ZNF506: variants seen among roughly 807,000 people sequenced by gnomAD.
ZNF506 encodes zinc finger protein 506.
In ZNF506, 10 loss-of-function variants were observed where a neutral mutation model predicts 11.6. The observed-to-expected ratio is 0.86, with a 90% CI of 0.53 to 1.46. The LOEUF (loss-of-function observed/expected upper bound fraction) is 1.46. Among genes scored for constraint, ZNF506 ranks in the 40% most tolerant of loss-of-function variants. ZNF506 has a pLI of 0.00. For missense variants in ZNF506, 425 were observed against 521.2 expected, an observed-to-expected ratio of 0.82 and a Z score of 1.80; for synonymous variants, 156 against 173.3, an observed-to-expected ratio of 0.90 and a Z score of 0.78.
intron 1 of ZNF506, among the ~76,000 whole-genome samples, chr19:19,818,694 T>G (rs971454178): frequency 6.6e-6 from 1 of 152,220 alleles, no homozygotes; most frequent in African/African-American, 2.4e-5. Flanking sequence ...ACTAATAAAA[T>G]GCAAATTACA....
At position 19,804,827 on chromosome 19, in the gene ZNF506, A is replaced by C. The variant is rs2062823187; in HGVS notation, c.226+1204T>G. Among the ~76,000 whole-genome samples the C allele has an allele frequency of 2.0e-5, 3 of 152,222 alleles. No individual in the cohort carries two copies. In the South Asian group the frequency reaches 6.2e-4, roughly 32 times the overall value. ...AAACCATCATTCTGAGCAAACTATC[A>C]CAAGGACAGAAAACCAAACACCCCA... is the stretch of plus-strand genomic sequence containing the variant. On this transcript the variant is annotated intron_variant, in intron 3 of 3. Transcript: ENST00000540806.
intron 1 of ZNF506, among the ~76,000 whole-genome samples, chr19:19,816,543 A>G (rs1273314954): frequency 1.3e-5 from 2 of 152,118 alleles, no homozygotes; most frequent in Admixed American, 6.5e-5. Context: ...TATTTGTAGT[A>G]GAGACAGGGT....
chr19:19,808,661 A>G (rs903192441), intron 1 of ZNF506, among the ~76,000 whole-genome samples: 2 of 151,374 alleles, frequency 1.3e-5, no homozygotes, highest in African/African-American at 2.4e-5. Context: ...CCTGACTAAC[A>G]GGGTGAAACC....
chr19:19,809,790 CAG>C (rs2062870307), intron 1 of ZNF506, among the ~76,000 whole-genome samples: 1 of 152,156 alleles, frequency 6.6e-6, no homozygotes, highest in Admixed American at 6.5e-5. Context: ...CAAGTCAAAA[CAG>C]AATAGGCCCT....
chr19:19,807,495 A>G (rs2062844571), intron 1 of ZNF506, among the ~76,000 whole-genome samples: 1 of 152,016 alleles, frequency 6.6e-6, no homozygotes, highest in Admixed American at 6.6e-5. Flanking sequence ...GATCTGAAAT[A>G]AAGTCTTTCT....
chr19:19,805,897 GAAA>G, intron 3 of ZNF506, 131 bp downstream of exon 3: 2 of 720,490 alleles, frequency 2.8e-6, no homozygotes, highest in Non-Finnish European at 4.5e-6. Context: ...GAAAAGAAAA[GAAA>G]AAAAAAGCTG....
chr19:19,808,925 G>A (rs1392142383), intron 1 of ZNF506, among the ~76,000 whole-genome samples: 1 of 150,644 alleles, frequency 6.6e-6, no homozygotes, highest in African/African-American at 2.4e-5. Context: ...ATTTTTAGTA[G>A]TAATTTTAAG....
intron 3 of ZNF506, chr19:19,798,692 G>C (rs1252992385): frequency 7.3e-6 from 1 of 137,688 alleles, no homozygotes; most frequent in Non-Finnish European, 1.6e-5. Flanking sequence ...TATCCGTATA[G>C]ATACACAAAA....
At chr19:19,804,799 T>C (rs1417388786) in intron 3 of ZNF506, among the ~76,000 whole-genome samples, 6 of 152,146 alleles carry the variant, frequency 3.9e-5, no homozygotes, top group Admixed American at 2.6e-4. Context: ...TGGATGAAGC[T>C]GGAAACCATC....
intron 2 of ZNF506, among the ~76,000 whole-genome samples, 190 bp downstream of exon 2, chr19:19,806,752 A>G (rs1599519141): frequency 6.6e-6 from 1 of 152,208 alleles, no homozygotes; most frequent in African/African-American, 2.4e-5. Context: ...AGGAATGTGG[A>G]AAGTTTGGAT....
chr19:19,810,284 C>T (rs138659297), intron 1 of ZNF506, among the ~76,000 whole-genome samples: 27 of 152,310 alleles, frequency 1.8e-4, no homozygotes, highest in African/African-American at 6.3e-4. Flanking sequence ...CAACCCATCT[C>T]CATCCTAAAG....
chr19:19,815,365 G>A (rs74181159), intron 1 of ZNF506, among the ~76,000 whole-genome samples: 1 of 152,202 alleles, frequency 6.6e-6, no homozygotes, highest in African/African-American at 2.4e-5. Flanking sequence ...TCTAGTGTGT[G>A]TGTTCGTGAG....
At chr19:19,806,459 G>T (rs912567723) in intron 2 of ZNF506, 1 of 190,254 alleles carries the variant, frequency 5.3e-6, no homozygotes, top group African/African-American at 2.4e-5. Flanking sequence ...GTTTCACCAT[G>T]TTGGTCAGGC....
At chr19:19,804,489 T>C (rs1380909158) in intron 3 of ZNF506, among the ~76,000 whole-genome samples, 1 of 152,138 alleles carries the variant, frequency 6.6e-6, no homozygotes, top group African/African-American at 2.4e-5. Flanking sequence ...TTGGCGGGAG[T>C]GTAAACTAGT....
At chr19:19,817,414 A>T (rs558213856) in intron 1 of ZNF506, among the ~76,000 whole-genome samples, 1 of 144,328 alleles carries the variant, frequency 6.9e-6, no homozygotes, top group South Asian at 2.2e-4. Context: ...CTTTTTTAGA[A>T]TTTTTTTTAC....
chr19:19,809,570 G>A (rs1207896849), intron 1 of ZNF506, among the ~76,000 whole-genome samples: 1 of 152,114 alleles, frequency 6.6e-6, no homozygotes, highest in Non-Finnish European at 1.5e-5. Flanking sequence ...AGTATTACAT[G>A]TTTACCTGAT....
chr19:19,812,805 G>A (rs2145200210), intron 1 of ZNF506, among the ~76,000 whole-genome samples: 2 of 152,296 alleles, frequency 1.3e-5, no homozygotes, highest in Admixed American at 1.3e-4. Flanking sequence ...GATTGATCAA[G>A]TCAGCCAGAA....
chr19:19,806,417 C>A (rs559711572), intron 2 of ZNF506: 1 of 195,856 alleles, frequency 5.1e-6, no homozygotes, highest in South Asian at 8.9e-5. Flanking sequence ...CCACCACGCC[C>A]GACTAATTTT....
intron 1 of ZNF506, among the ~76,000 whole-genome samples, chr19:19,815,208 C>T (rs992516248): frequency 8.5e-5 from 13 of 152,172 alleles, no homozygotes; most frequent in East Asian, 3.9e-4. Flanking sequence ...TGCAGTGAGC[C>T]GAGATCGCGC....
Sources: gnomAD v4.1 joint callset for allele counts (sites outside exome capture counted in the v4.1 genomes callset) on GRCh38, gnomAD v4.1.1 for gene constraint, MANE v1.5 for transcripts, NCBI Gene and HGNC (gene_info 2026-07-23, HGNC 2026-07-21) for gene names.